The following PMP22 variants were observed in gnomAD, a reference collection of about 807,000 sequenced individuals.
PMP22 encodes Charcot-Marie-Tooth neuropathy 1A (greatly reduced nerve conduction velocity, hereditary motor sensory neuropathy Ia).
PMP22 carries 2 observed loss-of-function variants against 18.9 expected under a neutral mutation model. The ratio of observed to expected loss-of-function variants is 0.11; its 90% confidence interval spans 0.04 to 0.33. PMP22 has a LOEUF of 0.33. PMP22 is among the 10% of genes least tolerant of loss of function. PMP22 has a pLI of 1.00. For missense variants in PMP22, 169 were observed against 202.2 expected, an observed-to-expected ratio of 0.84 and a Z score of 1.00; for synonymous variants, 95 against 89.2, an observed-to-expected ratio of 1.07 and a Z score of -0.37.
intron 3 of PMP22, among the ~76,000 whole-genome samples, chr17:15,250,107 A>G (rs1239094436): frequency 6.6e-6 from 1 of 152,088 alleles, no homozygotes; most frequent in Non-Finnish European, 1.5e-5. Flanking sequence ...TTTAGTAGAG[A>G]CAGGGTTTCA....
chr17:15,237,908 CTGG>C (rs1906948676), intron 4 of PMP22, among the ~76,000 whole-genome samples: 1 of 151,870 alleles, frequency 6.6e-6, no homozygotes, highest in Admixed American at 6.6e-5. Flanking sequence ...TATGAAAGTT[CTGG>C]TTCTAAATCC....
At chr17:15,240,927 T>C (rs917163376) in intron 3 of PMP22, among the ~76,000 whole-genome samples, 1 of 152,228 alleles carries the variant, frequency 6.6e-6, no homozygotes, top group East Asian at 1.9e-4. Context: ...AAGCAGCTCA[T>C]GGCAGAATTT....
At chr17:15,237,961 G>C (rs913811472) in intron 4 of PMP22, among the ~76,000 whole-genome samples, 2 of 150,948 alleles carry the variant, frequency 1.3e-5, no homozygotes, top group African/African-American at 4.9e-5. Flanking sequence ...CAATGGATAT[G>C]ATCATTATTT....
At chr17:15,242,512 C>T (rs997331659) in intron 3 of PMP22, among the ~76,000 whole-genome samples, 14 of 152,140 alleles carry the variant, frequency 9.2e-5, no homozygotes, top group African/African-American at 3.4e-4. Flanking sequence ...TTTACATGAT[C>T]TATGACTGAA....
At chr17:15,249,577 C>T (rs1021416311) in intron 3 of PMP22, among the ~76,000 whole-genome samples, 38 of 152,188 alleles carry the variant, frequency 2.5e-4, no homozygotes, top group Non-Finnish European at 4.4e-4. Flanking sequence ...AAAGAGAGAG[C>T]GGCTTCCCTT....
At chr17:15,250,780 C>CTT (rs1460580625) in intron 3 of PMP22, among the ~76,000 whole-genome samples, 1 of 152,188 alleles carries the variant, frequency 6.6e-6, no homozygotes, top group Non-Finnish European at 1.5e-5. Flanking sequence ...AAATGCATTG[C>CTT]TTTTCAAAGA....
In PMP22 at chr17:15,258,659, A is replaced by C. The variant is rs1017725309; in HGVS notation, c.178+435T>G. ...CTTGTGTCCATGTAACTGACGGTGC[A>C]GTGAGCTAGCCCCACTGTCACTGCA... On this transcript the variant is annotated intron_variant, in intron 3 of 4. Transcript: ENST00000312280. This position sits in a 1 kb window ranked among gnomAD's most constrained non-coding sequence, Gnocchi z 4.1. 3.7e-6 allele frequency: 1 copy of C among 268,842 alleles called. No homozygotes were observed. The highest frequency in any genetic ancestry group is 4.5e-5 in the Admixed American group (1 of 22,058). The allele number at this position is 268,842 out of a possible 1,614,324, so 16.7% of individuals were successfully genotyped here.
At chr17:15,241,806 A>G (rs1182264986) in intron 3 of PMP22, among the ~76,000 whole-genome samples, 1 of 152,206 alleles carries the variant, frequency 6.6e-6, no homozygotes, top group Non-Finnish European at 1.5e-5. Flanking sequence ...TTATTCAATG[A>G]GCATTTGTTG....
intron 4 of PMP22, 66 bp from the exon 5 acceptor site, chr17:15,231,146 C>T (rs1906311887): frequency 1.3e-6 from 2 of 1,487,412 alleles, no homozygotes; most frequent in Admixed American, 1.7e-5. Context: ...CTCTCCGCCA[C>T]CCCGGATGCT....
Position 15,258,887 on chromosome 17 carries a change from A to G in PMP22, c.178+207T>C. On this transcript the variant is annotated intron_variant, in intron 3 of 4. Coordinates refer to ENST00000312280, the MANE Select transcript of PMP22 (RefSeq NM_000304.4). The surrounding 1 kb of genome is among the most constrained non-coding windows in gnomAD (Gnocchi z 4.1). ...AAGGGCATGTCTCTAGGTAGAGTGA[A>G]TCACAATGATGCCCAGGATCTCAGC... 6.2e-6 allele frequency: 4 copies of G among 641,512 alleles called. No individual in the cohort carries two copies. The Admixed American group carries it at 6.5e-5, about 10-fold the overall frequency. 39.7% of individuals were successfully genotyped at this position (641,512 alleles called of 1,614,324 possible).
At position 15,259,118 on chromosome 17, in the gene PMP22, G is replaced by T. The variant is rs1243991145; in HGVS notation, c.154C>A (p.His52Asn). Residue 52 changes from histidine (H) to asparagine (N), a missense_variant, in exon 3 of 5, where the codon CAC becomes AAC. By Grantham distance (68) the His-to-Asn change is moderately conservative. Transcript: ENST00000312280. ...CSTSSSGNVH[H>N]CFSSSPNEWL... is the part of the protein sequence containing the mutation. ...CCGTTTGGTGATGATGAGAAACAGT[G>T]GTGGACATTTCCTGAGGAAGAGGTG... The T allele has an allele frequency of 6.2e-7, 1 of 1,613,510 alleles. No individual in the cohort carries two copies. The highest frequency in any genetic ancestry group is 8.5e-7 in the Non-Finnish European group (1 of 1,179,534).
intron 3 of PMP22, among the ~76,000 whole-genome samples, chr17:15,249,575 A>G (rs1242060311): frequency 6.6e-6 from 1 of 152,182 alleles, no homozygotes; most frequent in Non-Finnish European, 1.5e-5. Flanking sequence ...GCAAAGAGAG[A>G]GCGGCTTCCC....
At chr17:15,243,140 T>C (rs1363668638) in intron 3 of PMP22, among the ~76,000 whole-genome samples, 1 of 151,810 alleles carries the variant, frequency 6.6e-6, no homozygotes, top group African/African-American at 2.4e-5. Context: ...AACAATGAAA[T>C]AAGTCCAAAA....
At chr17:15,241,835 C>T (rs1907347611) in intron 3 of PMP22, among the ~76,000 whole-genome samples, 1 of 152,092 alleles carries the variant, frequency 6.6e-6, no homozygotes, top group African/African-American at 2.4e-5. Flanking sequence ...CTGCTTTGAG[C>T]CAAGCCCTCT....
intron 4 of PMP22, among the ~76,000 whole-genome samples, chr17:15,237,825 C>T (rs1050844131): frequency 3.9e-5 from 6 of 152,062 alleles, no homozygotes; most frequent in Non-Finnish European, 7.4e-5. Flanking sequence ...AAGGTTTGAG[C>T]GAGGCACATC....
rs1446150243 is a variant in PMP22, at chr17:15,229,836, A to G, written c.*1081T>C. On this transcript the variant is annotated 3_prime_UTR_variant, in exon 5 of 5. Coordinates refer to ENST00000312280, the MANE Select transcript of PMP22 (RefSeq NM_000304.4). ...TAGTCCACACAGTTGGTATAAAATC[A>G]GAAAATGCAAAGCAAAAACAAAAGG... The G allele has an allele frequency of 2.6e-5, 4 of 152,694 alleles. No homozygotes were observed. The highest frequency in any genetic ancestry group is 5.9e-5 in the Non-Finnish European group (4 of 68,056). 9.5% of individuals were successfully genotyped at this position (152,694 alleles called of 1,614,324 possible). A position where few individuals can be genotyped will look rare whatever the true frequency, so the allele number is the denominator to read the frequency against.
intron 3 of PMP22, 67 bp downstream of exon 3, chr17:15,259,027 G>T: frequency 8.4e-7 from 1 of 1,185,912 alleles, no homozygotes; most frequent in Non-Finnish European, 1.3e-6. Flanking sequence ...AGCGTTTCCA[G>T]CTCTGGGCTG....
At chr17:15,256,076 G>A (rs1234395248) in intron 3 of PMP22, among the ~76,000 whole-genome samples, 1 of 152,222 alleles carries the variant, frequency 6.6e-6, no homozygotes, top group Non-Finnish European at 1.5e-5. Context: ...TAAGGAGGGG[G>A]TGCCAGAAAG....
chr17:15,233,483 CT>C (rs1372714407), intron 4 of PMP22, among the ~76,000 whole-genome samples: 1 of 152,224 alleles, frequency 6.6e-6, no homozygotes, highest in African/African-American at 2.4e-5. Flanking sequence ...AAGTCTTAAG[CT>C]CCTTTAACAG....
Sources: gnomAD v4.1 joint callset for allele counts (sites outside exome capture counted in the v4.1 genomes callset) on GRCh38, gnomAD v4.1.1 for gene constraint, Gnocchi (gnomAD v3.1) non-coding constraint, MANE v1.5 for transcripts, NCBI Gene and HGNC (gene_info 2026-07-23, HGNC 2026-07-21) for gene names.